RAD51B: variants seen among roughly 807,000 people sequenced by gnomAD.
The protein encoded by RAD51B is DNA repair protein RAD51 homolog 2.
RAD51B carries 38 observed loss-of-function variants against 42.2 expected under a neutral mutation model. That is an observed-to-expected ratio of 0.90 (90% CI 0.70 to 1.18). RAD51B has a LOEUF of 1.18. Among genes scored for constraint, RAD51B ranks in the 50% most tolerant of loss-of-function variants. The pLI is 0.00. For missense variants in RAD51B, 373 were observed against 400.7 expected, an observed-to-expected ratio of 0.93 and a Z score of 0.59; for synonymous variants, 154 against 145.2, an observed-to-expected ratio of 1.06 and a Z score of -0.43.
At chr14:68,360,421 A>G (rs1479102939) in intron 8 of RAD51B, among the ~76,000 whole-genome samples, 2 of 152,242 alleles carry the variant, frequency 1.3e-5, no homozygotes, top group Non-Finnish European at 2.9e-5. Context: ...GCTGACATCC[A>G]TGACATCAGG....
At chr14:68,222,810 T>C (rs1188235459) in intron 7 of RAD51B, among the ~76,000 whole-genome samples, 4 of 152,202 alleles carry the variant, frequency 2.6e-5, no homozygotes, top group African/African-American at 9.6e-5. Context: ...TACAGAGTAG[T>C]TACCCAAGAG....
rs115251135 is a variant in RAD51B at position 67,906,074 on chromosome 14, G to A, written c.756+18870G>A. 9.1e-3 allele frequency among the ~76,000 whole-genome samples: 1,386 copies of A among 152,156 alleles called. 31 individuals are homozygous for A. Among genetic ancestry groups the A allele is most frequent in the African/African-American group, 0.031 (1,306 of 41,472 alleles). ...TCTTATTCTGCGGTATGTTTCTTCA[G>A]TACCTAGTTTATTGAGGGTTTTTAG... On this transcript the variant is annotated intron_variant, in intron 7 of 10. Transcript: ENST00000471583.
intron 7 of RAD51B, among the ~76,000 whole-genome samples, chr14:68,275,794 CCACACACACACACACA>C (rs10641411): frequency 1.6e-4 from 23 of 141,372 alleles, no homozygotes; most frequent in Admixed American, 3.5e-4. Context: ...AACTAGCTCT[CCACACACACACACACA>C]CACACACACA....
At chr14:68,493,997 T>C (rs1183406329) in intron 10 of RAD51B, among the ~76,000 whole-genome samples, 1 of 152,166 alleles carries the variant, frequency 6.6e-6, no homozygotes, top group Non-Finnish European at 1.5e-5. Context: ...CAATTCTGGC[T>C]GGACGCAGTG....
chr14:68,088,682 T>G (rs1463222070), intron 7 of RAD51B, among the ~76,000 whole-genome samples: 12 of 63,556 alleles, frequency 1.9e-4, no homozygotes, highest in South Asian at 6.3e-4. Flanking sequence ...ATGGAAAGAG[T>G]GGCGGGGGAT....
At chr14:68,017,795 A>G (rs1595264137) in intron 7 of RAD51B, among the ~76,000 whole-genome samples, 1 of 151,812 alleles carries the variant, frequency 6.6e-6, no homozygotes, top group South Asian at 2.1e-4. Context: ...ACTTGGTGAA[A>G]CCCCATCTCT....
At chr14:68,178,586 C>T (rs1312359509) in intron 7 of RAD51B, among the ~76,000 whole-genome samples, 1 of 152,156 alleles carries the variant, frequency 6.6e-6, no homozygotes, top group Admixed American at 6.6e-5. Context: ...AAGTTTGAAG[C>T]CCAGGCCTTT....
chr14:68,004,966 A>G (rs2140318230), intron 7 of RAD51B, among the ~76,000 whole-genome samples: 1 of 148,874 alleles, frequency 6.7e-6, no homozygotes, highest in South Asian at 2.1e-4. Flanking sequence ...TGTGCAGTAT[A>G]CTATTTTGTG....
intron 8 of RAD51B, among the ~76,000 whole-genome samples, chr14:68,304,080 G>C (rs927251254): frequency 1.3e-5 from 2 of 151,492 alleles, no homozygotes; most frequent in African/African-American, 4.8e-5. Flanking sequence ...TGAGGCACAA[G>C]AATCACTTGA....
intron 8 of RAD51B, among the ~76,000 whole-genome samples, chr14:68,325,445 G>A (rs769158539): frequency 1.2e-4 from 19 of 152,050 alleles, no homozygotes; most frequent in African/African-American, 3.6e-4. Context: ...TTCATGCCCC[G>A]CCCTTTTATT....
At chr14:68,442,143 G>A (rs10131303) in intron 9 of RAD51B, among the ~76,000 whole-genome samples, 16,751 of 152,148 alleles carry the variant, frequency 0.11, 1,537 homozygotes, top group African/African-American at 0.25. Flanking sequence ...TCAACAGCAC[G>A]TAGTGTTAAT....
intron 9 of RAD51B, among the ~76,000 whole-genome samples, chr14:68,438,979 A>C (rs1217919810): frequency 6.6e-6 from 1 of 152,144 alleles, no homozygotes; most frequent in East Asian, 1.9e-4. Context: ...GGATCATGCC[A>C]GTCAGTGGAT....
chr14:67,905,079 G>A (rs1566951194), intron 7 of RAD51B, among the ~76,000 whole-genome samples: 1 of 151,776 alleles, frequency 6.6e-6, no homozygotes, highest in Non-Finnish European at 1.5e-5. Context: ...TCTTGAGTTG[G>A]TTTCTGTATA....
At chr14:68,388,583 T>C (rs2083661688) in intron 8 of RAD51B, among the ~76,000 whole-genome samples, 1 of 152,216 alleles carries the variant, frequency 6.6e-6, no homozygotes, top group Non-Finnish European at 1.5e-5. Flanking sequence ...TCATAATTTC[T>C]ACATGAGCCG....
At chr14:68,555,022 A>G (rs1282220260) in intron 10 of RAD51B, among the ~76,000 whole-genome samples, 1 of 152,008 alleles carries the variant, frequency 6.6e-6, no homozygotes, top group Non-Finnish European at 1.5e-5. Flanking sequence ...CTATTTTTAT[A>G]TTTTTAGTAG....
intron 3 of RAD51B, among the ~76,000 whole-genome samples, chr14:67,834,540 AG>A (rs2041165297): frequency 6.6e-6 from 1 of 151,982 alleles, no homozygotes; most frequent in Non-Finnish European, 1.5e-5. Context: ...TTACTTCTCT[AG>A]CCTCATTGCT....
Position 68,319,144 on chromosome 14 carries a change from G to T in RAD51B, c.853+27164G>T, listed in dbSNP as rs551071917. Reference sequence around the variant, plus strand: ...AAGTAAGGGCCCTGGAAACGGAGGAGTTTTTGTTGTTGTTGTTTTGGTGAC... The same window carrying T: ...AAGTAAGGGCCCTGGAAACGGAGGATTTTTTGTTGTTGTTGTTTTGGTGAC... On this transcript the variant is annotated intron_variant, in intron 8 of 10. Transcript: ENST00000471583. 1.3e-5 allele frequency among the ~76,000 whole-genome samples: 2 copies of T among 152,258 alleles called. 1 individual carries two copies. The highest frequency in any genetic ancestry group is 4.1e-4 in the South Asian group (2 of 4,826).
intron 7 of RAD51B, among the ~76,000 whole-genome samples, chr14:67,893,899 T>A (rs2043318468): frequency 6.6e-6 from 1 of 152,148 alleles, no homozygotes; most frequent in Non-Finnish European, 1.5e-5. Flanking sequence ...CAGCACATCC[T>A]CTTGGCTCCG....
chr14:68,032,220 A>G (rs2076058023), intron 7 of RAD51B, among the ~76,000 whole-genome samples: 1 of 152,162 alleles, frequency 6.6e-6, no homozygotes, highest in African/African-American at 2.4e-5. Flanking sequence ...CATGCAAAAT[A>G]AAGGTCCTTG....
Sources: gnomAD v4.1 joint callset for allele counts (sites outside exome capture counted in the v4.1 genomes callset) on GRCh38, gnomAD v4.1.1 for gene constraint, MANE v1.5 for transcripts, NCBI Gene and HGNC (gene_info 2026-07-23, HGNC 2026-07-21) for gene names.